Variants in ASRGL1 observed in about 807,000 individuals in gnomAD.
ASRGL1 encodes the protein asparaginase and isoaspartyl peptidase 1.
ASRGL1 carries 16 observed loss-of-function variants against 22.4 expected under a neutral mutation model. The observed-to-expected ratio is 0.71, with a 90% CI of 0.48 to 1.08. The LOEUF (loss-of-function observed/expected upper bound fraction) is 1.08, where lower values mean the gene tolerates loss of function less well. ASRGL1 is among the 50% of genes least tolerant of loss of function. ASRGL1 has a pLI of 0.00. For missense variants in ASRGL1, 412 were observed against 410.1 expected, an observed-to-expected ratio of 1.00 and a Z score of -0.04; for synonymous variants, 165 against 159.3, an observed-to-expected ratio of 1.04 and a Z score of -0.27.
At chr11:62,361,967 TTC>T (rs1946445791) in intron 4 of ASRGL1, among the ~76,000 whole-genome samples, 1 of 152,162 alleles carries the variant, frequency 6.6e-6, no homozygotes, top group Admixed American at 6.5e-5. Context: ...AAAGAAAACT[TTC>T]TGTTTTAGAC....
At chr11:62,366,454 C>T (rs1225496305) in intron 4 of ASRGL1, among the ~76,000 whole-genome samples, 1 of 140,368 alleles carries the variant, frequency 7.1e-6, no homozygotes. Context: ...AGAGGTGGGC[C>T]TGCCACCAGC....
chr11:62,391,684 A>G (rs1368379914), intron 6 of ASRGL1, 52 bp downstream of exon 6: 2 of 1,536,590 alleles, frequency 1.3e-6, no homozygotes, highest in Non-Finnish European at 1.8e-6. Flanking sequence ...AGTGCATAGA[A>G]GGTATTTGAT....
At chr11:62,356,233 G>A (rs1169844398) in intron 2 of ASRGL1, 92 bp from the exon 3 acceptor site, 27 of 1,475,962 alleles carry the variant, frequency 1.8e-5, no homozygotes, top group Admixed American at 6.0e-5. Context: ...CGGATGGGGC[G>A]GCTGGCCGGG....
downstream of ASRGL1, among the ~76,000 whole-genome samples, chr11:62,395,346 C>G (rs1369817651): frequency 6.6e-6 from 1 of 152,012 alleles, no homozygotes; most frequent in South Asian, 2.1e-4. Context: ...TGTGGCTCAC[C>G]CACCAAAATG....
At chr11:62,367,060 C>T (rs569993457) in intron 4 of ASRGL1, among the ~76,000 whole-genome samples, 4 of 151,600 alleles carry the variant, frequency 2.6e-5, no homozygotes, top group African/African-American at 4.8e-5. Flanking sequence ...CAAAATTAGT[C>T]GGGCATGGTG....
intron 2 of ASRGL1, among the ~76,000 whole-genome samples, chr11:62,344,565 G>A (rs753595683): frequency 2.0e-5 from 3 of 150,322 alleles, no homozygotes; most frequent in Non-Finnish European, 4.4e-5. Context: ...TTTTGTATAC[G>A]ATGCAAGGTA....
chr11:62,399,308 T>G, the ASRGL1 span, among the ~76,000 whole-genome samples: 2 of 152,196 alleles, frequency 1.3e-5, no homozygotes, highest in African/African-American at 4.8e-5. Context: ...CTGAGAATTC[T>G]CCCCACACTC....
rs1022452388 is a variant in ASRGL1, at chr11:62,371,181, G to T, written c.491+14037G>T. ...TGGCGGCCTGGGAGGAGCTGAGCTC[G>T]GGCAACGGCACTGCCCACGCCAGGG... On this transcript the variant is annotated intron_variant, in intron 4 of 6. Transcript: ENST00000415229. The T allele has an allele frequency of 2.4e-6, 3 of 1,240,680 alleles. No homozygotes were observed. The Admixed American group carries it at 1.1e-4, about 46-fold the overall frequency. The allele number at this position is 1,240,680 out of a possible 1,614,324, so 76.9% of individuals were successfully genotyped here.
At chr11:62,355,693 A>G (rs1230585995) in intron 2 of ASRGL1, among the ~76,000 whole-genome samples, 2 of 147,202 alleles carry the variant, frequency 1.4e-5, no homozygotes, top group African/African-American at 5.1e-5. Flanking sequence ...GGGTCATAGG[A>G]CAATAGTGGA....
rs1565161884 is a variant in ASRGL1 at position 62,362,526 on chromosome 11, T to TAA, written c.491+5383_491+5384dup. 2.2e-4 allele frequency among the ~76,000 whole-genome samples: 18 copies of TAA among 81,514 alleles called. 1 individual carries two copies. Among genetic ancestry groups the TAA allele is most frequent in the African/African-American group, 7.8e-4 (16 of 20,546 alleles). The allele number at this position is 81,514 out of a possible 152,430, so 53.5% of individuals were successfully genotyped here. A position where few individuals can be genotyped will look rare whatever the true frequency, so the allele number is the denominator to read the frequency against. ...AAATATATAACATATATTATTTATA[T>TAA]AATATATATTATATAAAATATATAA... is the stretch of plus-strand genomic sequence containing the variant. On this transcript the variant is annotated intron_variant, in intron 4 of 6. Coordinates refer to ENST00000415229, the MANE Select transcript of ASRGL1 (RefSeq NM_001083926.2).
chr11:62,391,667 G>C, intron 6 of ASRGL1, 35 bp downstream of exon 6: 1 of 1,565,302 alleles, frequency 6.4e-7, no homozygotes, highest in Non-Finnish European at 8.7e-7. Context: ...AATAATTTGT[G>C]AAGATAAGTG....
chr11:62,371,446 T>C, intron 4 of ASRGL1: 1 of 587,230 alleles, frequency 1.7e-6, no homozygotes. Flanking sequence ...CTGTGTTTAC[T>C]CAAGGTTTAA....
intron 4 of ASRGL1, among the ~76,000 whole-genome samples, chr11:62,363,434 A>G (rs966360465): frequency 4.6e-5 from 7 of 152,320 alleles, no homozygotes; most frequent in Admixed American, 3.3e-4. Flanking sequence ...AAATCAGAGC[A>G]TAGTATCATC....
Position 62,338,114 on chromosome 11 carries a change from A to G in ASRGL1, c.137A>G (p.Asp46Gly), listed in dbSNP as rs775564099. 27 of 1,607,134 alleles carry G rather than the reference A, an allele frequency of 1.7e-5. No homozygotes were observed. In the South Asian group the frequency reaches 2.9e-4, roughly 17 times the overall value. The change falls in exon 2 of 7, where the codon GAT (aspartate) becomes GGT (glycine). Residue 46 changes from aspartate (D) to glycine (G), a missense_variant. By Grantham distance (94) the Asp-to-Gly change is moderately conservative. Transcript: ENST00000415229. ...CTCCGGGAGGGCGGGAGCGCCGTGGATGCCGTAGAGGGAGCTGTCGTCGCC... is the reference window on the plus strand; with the variant it reads ...CTCCGGGAGGGCGGGAGCGCCGTGGGTGCCGTAGAGGGAGCTGTCGTCGCC... ...GILREGGSAVDAVEGAVVALE... is the reference protein window; with the variant it reads ...GILREGGSAVGAVEGAVVALE...
At chr11:62,376,930 A>T (rs1946946478) in intron 4 of ASRGL1, among the ~76,000 whole-genome samples, 1 of 152,242 alleles carries the variant, frequency 6.6e-6, no homozygotes, top group South Asian at 2.1e-4. Flanking sequence ...ATAAGTATCA[A>T]CTGTTACATG....
chr11:62,375,428 T>TTATATATATATATATATATATATATA (rs71053051), intron 4 of ASRGL1, among the ~76,000 whole-genome samples: 1 of 69,016 alleles, frequency 1.4e-5, no homozygotes, highest in African/African-American at 4.3e-5. Context: ...TTGTCTTACT[T>TTATATATATATATATATATATATATA]TATATATATA....
intron 4 of ASRGL1, among the ~76,000 whole-genome samples, chr11:62,360,788 A>C (rs1238301068): frequency 6.6e-6 from 1 of 152,246 alleles, no homozygotes; most frequent in East Asian, 1.9e-4. Context: ...AATCATGAAG[A>C]ATCACACACA....
At position 62,338,053 on chromosome 11, in the gene ASRGL1, G is replaced by C; in HGVS notation, c.76G>C (p.Gly26Arg). ...GGATCGGAAGGAGCGAGTGCACCAG[G>C]GCATGGTCAGAGCCGCCACCGTGGG... is the stretch of plus-strand genomic sequence containing the variant. ...SKDRKERVHQGMVRAATVGYG... is the reference protein window; with the variant it reads ...SKDRKERVHQRMVRAATVGYG... Residue 26 changes from glycine to arginine, a missense_variant, in exon 2 of 7, where the codon GGC becomes CGC. Gly to Arg is a moderately radical substitution (Grantham distance 125). Transcript: ENST00000415229. 1 of 1,608,332 alleles carries C rather than the reference G, an allele frequency of 6.2e-7. No homozygotes were observed. Among genetic ancestry groups the C allele is most frequent in the African/African-American group, 1.3e-5 (1 of 74,974 alleles).
At chr11:62,346,843 G>T (rs1431324130) in intron 2 of ASRGL1, among the ~76,000 whole-genome samples, 1 of 151,968 alleles carries the variant, frequency 6.6e-6, no homozygotes, top group Non-Finnish European at 1.5e-5. Context: ...GGTGGTGGGT[G>T]CCTGTAATCC....
Sources: allele counts gnomAD v4.1 joint callset (sites outside exome capture counted in the v4.1 genomes callset), GRCh38; gene constraint gnomAD v4.1.1; transcripts MANE v1.5; gene names NCBI Gene and HGNC (gene_info 2026-07-23, HGNC 2026-07-21).